Variants in INSL6 observed in about 807,000 individuals in gnomAD.
The protein encoded by INSL6 is insulin-like peptide INSL6.
In INSL6, 16 loss-of-function variants were observed where a neutral mutation model predicts 9.4. The observed-to-expected ratio is 1.70, with a 90% CI of 1.15 to 2.59. INSL6 has a LOEUF of 2.59. Among genes scored for constraint, INSL6 ranks in the 30% most tolerant of loss-of-function variants. INSL6 has a pLI of 0.00. For missense variants in INSL6, 391 were observed against 257.3 expected (o/e 1.52, Z -3.56); for synonymous variants, 154 against 96.9 (o/e 1.59, Z -3.46).
chr9:4,992,892 G>T, the INSL6 span, among the ~76,000 whole-genome samples: 398 of 152,256 alleles, frequency 2.6e-3, 5 homozygotes, highest in African/African-American at 9.1e-3. Context: ...CTGCTTCCTG[G>T]AAGTCATTCT....
At chr9:5,145,337 GACA>G (rs1263968025) in intron 2 of INSL6, among the ~76,000 whole-genome samples, 3 of 152,162 alleles carry the variant, frequency 2.0e-5, no homozygotes, top group African/African-American at 7.2e-5. Flanking sequence ...CTGATAGTAA[GACA>G]GACTTCCCTT....
downstream of INSL6, among the ~76,000 whole-genome samples, chr9:5,121,737 TTTC>T (rs1398319021): frequency 1.1e-4 from 17 of 152,298 alleles, no homozygotes; most frequent in Middle Eastern, 3.4e-3. Context: ...AGGAGGAGTC[TTTC>T]TTCTTATTTT....
the INSL6 span, chr9:5,100,824 C>T: frequency 1.3e-5 from 2 of 152,370 alleles, no homozygotes; most frequent in Admixed American, 1.3e-4. Flanking sequence ...GCTCAACATT[C>T]TTTACAGCCA....
the INSL6 span, among the ~76,000 whole-genome samples, chr9:5,040,693 CA>C: frequency 6.6e-6 from 1 of 152,232 alleles, no homozygotes; most frequent in Admixed American, 6.5e-5. Flanking sequence ...TACAAATGGC[CA>C]AAAAGCATGT....
chr9:5,120,490 A>G (rs1823532022), downstream of INSL6, among the ~76,000 whole-genome samples: 2 of 152,214 alleles, frequency 1.3e-5, no homozygotes, highest in Admixed American at 1.3e-4. Flanking sequence ...TTGTTCGAAA[A>G]GGCTCTTTTG....
the INSL6 span, among the ~76,000 whole-genome samples, chr9:5,081,361 C>A: frequency 6.6e-6 from 1 of 151,518 alleles, no homozygotes; most frequent in East Asian, 1.9e-4. Flanking sequence ...ATTTGTTTTG[C>A]TTTGTTCTCT....
the INSL6 span, chr9:5,112,568 G>T: frequency 1.5e-6 from 1 of 651,056 alleles, no homozygotes; most frequent in Non-Finnish European, 2.7e-6. Context: ...GCCAGGGAGC[G>T]GCTGCGGGTC....
chr9:5,111,489 G>A, the INSL6 span: 1 of 373,608 alleles, frequency 2.7e-6, no homozygotes, highest in Non-Finnish European at 5.2e-6. Flanking sequence ...GAGGAGTACG[G>A]TAGGGATGCC....
the INSL6 span, chr9:5,069,032 T>G: frequency 5.1e-6 from 8 of 1,576,752 alleles, no homozygotes; most frequent in Non-Finnish European, 6.0e-6. Context: ...CGAGAAAATG[T>G]CATTGAATAT....
At chr9:5,050,479 C>T in the INSL6 span, among the ~76,000 whole-genome samples, 1 of 152,070 alleles carries the variant, frequency 6.6e-6, no homozygotes, top group African/African-American at 2.4e-5. Context: ...CCATGTTGCC[C>T]AGGCTGGTCT....
At chr9:5,055,172 C>G in the INSL6 span, among the ~76,000 whole-genome samples, 1 of 151,906 alleles carries the variant, frequency 6.6e-6, no homozygotes, top group South Asian at 2.1e-4. Flanking sequence ...CCTTTCACTA[C>G]TAGTGATAAC....
At chr9:5,042,403 C>T in the INSL6 span, among the ~76,000 whole-genome samples, 67 of 152,258 alleles carry the variant, frequency 4.4e-4, no homozygotes, top group African/African-American at 1.5e-3. Context: ...TCCCAAAGTG[C>T]TGGGATTACA....
intron 1 of INSL6, among the ~76,000 whole-genome samples, chr9:5,177,374 C>A (rs1825334093): frequency 6.6e-6 from 1 of 152,164 alleles, no homozygotes; most frequent in Non-Finnish European, 1.5e-5. Context: ...CTCTGAAACC[C>A]AGATCAGGAA....
chr9:5,163,936 A>G lies in INSL6; in HGVS notation c.619T>C (p.Ser207Pro). 6.2e-7 allele frequency: 1 copy of G among 1,603,236 alleles called. No homozygotes were observed. Among genetic ancestry groups the G allele is most frequent in the South Asian group, 1.1e-5 (1 of 90,444 alleles). ...GGTTAGTATATCTTAGTTACAAGTGATGATCTTTTTTCCTTTAGCCTTTTA... is the reference window on the plus strand; with the variant it reads ...GGTTAGTATATCTTAGTTACAAGTGGTGATCTTTTTTCCTTTAGCCTTTTA... ...DFKRLKEKRS[S>P]LVTKIY The change falls in exon 2 of 2, where the codon TCA (serine) becomes CCA (proline). Residue 207 changes from serine (S) to proline (P), a missense_variant. Physicochemically the swap from Ser to Pro is moderately conservative, Grantham distance 74. Coordinates refer to ENST00000381641, the MANE Select transcript of INSL6 (RefSeq NM_007179.3).
In INSL6 at chr9:5,138,423, C is replaced by T. The variant is rs570480334; in HGVS notation, c.377-4831G>A. Among the ~76,000 whole-genome samples the T allele has an allele frequency of 4.9e-3, 740 of 152,220 alleles. 9 individuals are homozygous for T. Among genetic ancestry groups the T allele is most frequent in the African/African-American group, 0.017 (708 of 41,546 alleles). On this transcript the variant is annotated intron_variant, in intron 2 of 3. Coordinates refer to the INSL6 transcript ENST00000649639. ...AGCCATCAACAAGGATGAGTTCACG[C>T]CCTTTGCAGGGACACAGATGAAGCT... is the stretch of plus-strand genomic sequence containing the variant.
chr9:5,034,694 A>G, the INSL6 span, among the ~76,000 whole-genome samples: 15 of 152,270 alleles, frequency 9.9e-5, no homozygotes, highest in African/African-American at 3.4e-4. Flanking sequence ...AACCAACGAG[A>G]ACAAAGACAC....
At chr9:5,095,797 C>A in the INSL6 span, among the ~76,000 whole-genome samples, 6 of 152,214 alleles carry the variant, frequency 3.9e-5, no homozygotes, top group African/African-American at 1.2e-4. Flanking sequence ...TTGAATGATC[C>A]CAGTACTAAC....
chr9:5,050,910 C>T, the INSL6 span: 27,337 of 1,263,030 alleles, frequency 0.022, 3,047 homozygotes, highest in African/African-American at 0.3. Flanking sequence ...CTGTGTTTAC[C>T]CATGCCTTTT....
chr9:5,096,508 T>G, the INSL6 span, among the ~76,000 whole-genome samples: 4 of 151,998 alleles, frequency 2.6e-5, no homozygotes, highest in Non-Finnish European at 5.9e-5. Context: ...GGGGGGAGGG[T>G]GGTAGGCCGG....
Sources: gnomAD v4.1 joint callset for allele counts (sites outside exome capture counted in the v4.1 genomes callset) on GRCh38, gnomAD v4.1.1 for gene constraint, MANE v1.5 for transcripts, NCBI Gene and HGNC (gene_info 2026-07-23, HGNC 2026-07-21) for gene names.